Variants in RXFP2 observed in about 807,000 individuals in gnomAD.
The protein encoded by RXFP2 is relaxin family peptide receptor 2.
Under a neutral mutation model 88.6 loss-of-function variants are expected in RXFP2, and 68 were observed. That is an observed-to-expected ratio of 0.77 (90% CI 0.63 to 0.94). The LOEUF (loss-of-function observed/expected upper bound fraction) is 0.94. RXFP2 is among the 40% of genes least tolerant of loss of function. The pLI, the probability that RXFP2 is intolerant of heterozygous loss-of-function variation, is 0.00. For synonymous variants in RXFP2, 329 were observed against 306.8 expected (o/e 1.07, Z -0.76); for missense variants, 791 against 893.9 (o/e 0.88, Z 1.47).
At chr13:31,753,072 G>A (rs1871745223) in intron 1 of RXFP2, among the ~76,000 whole-genome samples, 5 of 152,180 alleles carry the variant, frequency 3.3e-5, no homozygotes, top group Non-Finnish European at 1.5e-5. Flanking sequence ...CTCCTCCTTG[G>A]CCTATACCCC....
chr13:31,792,543 C>T (rs1013655541), intron 15 of RXFP2, 135 bp from the exon 16 acceptor site: 2 of 820,152 alleles, frequency 2.4e-6, no homozygotes, highest in Admixed American at 2.0e-5. Context: ...CAGATGTTTA[C>T]ATTAGTTCAT....
intron 1 of RXFP2, among the ~76,000 whole-genome samples, chr13:31,747,219 G>A (rs574680763): frequency 5.3e-5 from 8 of 152,194 alleles, no homozygotes; most frequent in African/African-American, 1.4e-4. Flanking sequence ...CCTGTGCTGT[G>A]ACCCGATTCT....
At chr13:31,757,818 G>A (rs1872030012) in intron 1 of RXFP2, among the ~76,000 whole-genome samples, 2 of 152,184 alleles carry the variant, frequency 1.3e-5, no homozygotes, top group African/African-American at 4.8e-5. Flanking sequence ...CATTGGCCAG[G>A]CGAGGTGGCT....
intron 1 of RXFP2, among the ~76,000 whole-genome samples, chr13:31,749,846 C>T (rs1039413800): frequency 2.0e-5 from 3 of 152,026 alleles, no homozygotes; most frequent in African/African-American, 7.2e-5. Flanking sequence ...AATATGTATG[C>T]CATTAATTTA....
intron 2 of RXFP2, among the ~76,000 whole-genome samples, chr13:31,758,934 G>C (rs1202756471): frequency 1.3e-5 from 2 of 152,048 alleles, no homozygotes; most frequent in Admixed American, 6.6e-5. Flanking sequence ...TGTAATCCCA[G>C]CTACTCGGGA....
rs774040872 is a variant in RXFP2 at position 31,792,881 on chromosome 13, C to T, written c.1579C>T (p.Pro527Ser). Residue 527 changes from proline (P) to serine (S), a missense_variant, in exon 16 of 18, where the codon CCC becomes TCC. Pro to Ser is a moderately conservative substitution (Grantham distance 74). Coordinates refer to ENST00000298386, the MANE Select transcript of RXFP2 (RefSeq NM_130806.5). ...GGAGAAGTTCCTGGTCATTGTCTTC[C>T]CCTTCAGTAACATTCGACCTGGAAA... ...TLEKFLVIVF[P>S]FSNIRPGKRQ... 36 of 1,613,988 alleles carry T rather than the reference C, an allele frequency of 2.2e-5. No homozygotes were observed. The highest frequency in any genetic ancestry group is 2.0e-4 in the Admixed American group (12 of 59,996).
At chr13:31,745,264 C>T (rs1252072483) in intron 1 of RXFP2, among the ~76,000 whole-genome samples, 1 of 152,094 alleles carries the variant, frequency 6.6e-6, no homozygotes, top group Non-Finnish European at 1.5e-5. Flanking sequence ...GAATGTTTCT[C>T]CTGCACACAG....
At chr13:31,741,953 T>C (rs1370316319) in intron 1 of RXFP2, among the ~76,000 whole-genome samples, 1 of 152,044 alleles carries the variant, frequency 6.6e-6, no homozygotes, top group Non-Finnish European at 1.5e-5. Flanking sequence ...TCCATAAAAT[T>C]CATGTAATTG....
chr13:31,786,236 G>C (rs943862700), intron 11 of RXFP2, 147 bp from the exon 12 acceptor site: 1 of 712,148 alleles, frequency 1.4e-6, no homozygotes, highest in Non-Finnish European at 2.6e-6. Context: ...TGACTCATAC[G>C]GCCCTGTTGT....
At chr13:31,764,367 T>C (rs1390226135) in intron 3 of RXFP2, among the ~76,000 whole-genome samples, 1 of 151,994 alleles carries the variant, frequency 6.6e-6, no homozygotes, top group Non-Finnish European at 1.5e-5. Flanking sequence ...TCCTAGTAAC[T>C]ACGTAAGTCC....
At chr13:31,787,732 C>G (rs1456181635) in intron 13 of RXFP2, among the ~76,000 whole-genome samples, 1 of 152,170 alleles carries the variant, frequency 6.6e-6, no homozygotes, top group Non-Finnish European at 1.5e-5. Flanking sequence ...CTCCGCCTCC[C>G]GGCTTCAAGC....
At chr13:31,801,308 A>T (rs903068830) in intron 17 of RXFP2, among the ~76,000 whole-genome samples, 12 of 151,964 alleles carry the variant, frequency 7.9e-5, no homozygotes, top group Non-Finnish European at 1.3e-4. Flanking sequence ...CTTAGTACCA[A>T]AAAAGCACAT....
In RXFP2 at chr13:31,747,241, G is replaced by A. The variant is rs375158934; in HGVS notation, c.94+7535G>A. On this transcript the variant is annotated intron_variant, in intron 1 of 17. Coordinates refer to ENST00000298386, the MANE Select transcript of RXFP2 (RefSeq NM_130806.5). ...TGTGACCCGATTCTCAAAATTATAT[G>A]GGCCACCTTACCCCATCCTACATAG... Among the ~76,000 whole-genome samples the A allele has an allele frequency of 3.8e-4, 58 of 152,068 alleles. No homozygotes were observed. In the South Asian group the frequency reaches 8.5e-3, roughly 22 times the overall value.
intron 15 of RXFP2, among the ~76,000 whole-genome samples, 178 bp downstream of exon 15, chr13:31,792,213 A>G (rs1283068849): frequency 6.6e-6 from 1 of 152,116 alleles, no homozygotes; most frequent in African/African-American, 2.4e-5. Context: ...TTTAGGTTGT[A>G]TGACCTTACA....
chr13:31,765,915 A>G (rs1430459935), intron 4 of RXFP2, 41 bp from the exon 5 acceptor site: 9 of 999,392 alleles, frequency 9.0e-6, no homozygotes, highest in Non-Finnish European at 1.4e-5. Context: ...TGGGTTGGCC[A>G]TAACAATCCA....
chr13:31,768,086 T>C (rs961299493), intron 5 of RXFP2, among the ~76,000 whole-genome samples: 8 of 152,294 alleles, frequency 5.3e-5, no homozygotes, highest in African/African-American at 1.9e-4. Context: ...AGGTCCACAA[T>C]TTTCCTAGTG....
chr13:31,791,054 C>T (rs544753507), intron 14 of RXFP2, among the ~76,000 whole-genome samples: 27 of 152,236 alleles, frequency 1.8e-4, no homozygotes, highest in African/African-American at 6.0e-4. Context: ...GAAAAGTGAA[C>T]TGAAAGAAGT....
chr13:31,789,738 A>G (rs1215224626), intron 14 of RXFP2, among the ~76,000 whole-genome samples: 1 of 152,244 alleles, frequency 6.6e-6, no homozygotes, highest in Non-Finnish European at 1.5e-5. Flanking sequence ...TCAACTGTGT[A>G]ATCTATGTGT....
At chr13:31,769,719 C>A (rs535329658) in intron 5 of RXFP2, among the ~76,000 whole-genome samples, 1 of 152,244 alleles carries the variant, frequency 6.6e-6, no homozygotes, top group African/African-American at 2.4e-5. Context: ...AATTCCATGC[C>A]ACATGTGTTG....
Sources: gnomAD v4.1 joint callset for allele counts (sites outside exome capture counted in the v4.1 genomes callset) on GRCh38, gnomAD v4.1.1 for gene constraint, MANE v1.5 for transcripts, NCBI Gene and HGNC (gene_info 2026-07-23, HGNC 2026-07-21) for gene names.